Variants in CFAP299 observed in about 807,000 individuals in gnomAD.
CFAP299 encodes cilia and flagella associated protein 299, also known as cilia- and flagella-associated protein 299.
Under a neutral mutation model 27.0 loss-of-function variants are expected in CFAP299, and 21 were observed. The observed-to-expected ratio is 0.78, with a 90% confidence interval of 0.55 to 1.12. CFAP299 has a LOEUF of 1.12. Ranked by LOEUF, CFAP299 falls within the 50% of genes most tolerant of loss-of-function variation. The pLI, the probability that CFAP299 is intolerant of heterozygous loss-of-function variation, is 0.00. For synonymous variants in CFAP299, 104 were observed against 98.1 expected, an observed-to-expected ratio of 1.06 and a Z score of -0.36; for missense variants, 310 against 276.6, an observed-to-expected ratio of 1.12 and a Z score of -0.86.
chr4:80,618,032 G>T (rs973113995), intron 3 of CFAP299, among the ~76,000 whole-genome samples: 2 of 152,066 alleles, frequency 1.3e-5, no homozygotes, highest in African/African-American at 4.8e-5. Context: ...AGGAATAAAA[G>T]AAAAATTTGT....
chr4:80,339,124 A>G (rs1461824822), intron 1 of CFAP299, among the ~76,000 whole-genome samples: 2 of 152,168 alleles, frequency 1.3e-5, no homozygotes, highest in African/African-American at 2.4e-5. Context: ...AGGTTTGGCC[A>G]TCTTCTCATT....
chr4:80,534,584 G>A (rs1446583710), intron 2 of CFAP299, among the ~76,000 whole-genome samples: 1 of 151,958 alleles, frequency 6.6e-6, no homozygotes, highest in East Asian at 1.9e-4. Context: ...AAAACTTAGT[G>A]TAGCAGTCAA....
chr4:80,394,919 A>G (rs1485902344), intron 2 of CFAP299, among the ~76,000 whole-genome samples: 1 of 152,006 alleles, frequency 6.6e-6, no homozygotes, highest in African/African-American at 2.4e-5. Context: ...GTCTTTTGTG[A>G]TACCACAAAA....
At chr4:80,447,139 T>TG (rs1429809858) in intron 2 of CFAP299, among the ~76,000 whole-genome samples, 18 of 123,348 alleles carry the variant, frequency 1.5e-4, no homozygotes, top group African/African-American at 6.5e-4. Flanking sequence ...TGTTTTTTTT[T>TG]TTTTTTTTTT....
intron 2 of CFAP299, among the ~76,000 whole-genome samples, chr4:80,422,137 A>G (rs551828588): frequency 2.0e-5 from 3 of 152,242 alleles, no homozygotes; most frequent in African/African-American, 7.2e-5. Flanking sequence ...AAAAAATACT[A>G]TCTTGTTTAA....
At chr4:80,832,659 G>A (rs1400456095) in intron 3 of CFAP299, among the ~76,000 whole-genome samples, 2 of 152,110 alleles carry the variant, frequency 1.3e-5, no homozygotes, top group Admixed American at 6.5e-5. Context: ...TGGATGTTAA[G>A]TAGATGATTT....
rs564854464 is a variant in CFAP299 at position 80,868,471 on chromosome 4, G to T, written c.334-1522G>T. Among the ~76,000 whole-genome samples, 6 of 152,128 alleles carry T rather than the reference G, an allele frequency of 3.9e-5. 1 individual carries two copies. In the South Asian group the frequency reaches 8.3e-4, roughly 21 times the overall value. On this transcript the variant is annotated intron_variant, in intron 3 of 5. Transcript: ENST00000358105. ...TGAAGATAGTACTTCATGCATTTTTGATTTCTCAGCTTTCTGTTGAGGCAA... is the reference window on the plus strand; with the variant it reads ...TGAAGATAGTACTTCATGCATTTTTTATTTCTCAGCTTTCTGTTGAGGCAA...
intron 3 of CFAP299, among the ~76,000 whole-genome samples, chr4:80,738,397 A>G (rs941668103): frequency 1.3e-5 from 2 of 152,108 alleles, no homozygotes; most frequent in African/African-American, 4.8e-5. Context: ...TTTCCTTTAT[A>G]TATCGGCTTG....
chr4:80,374,132 G>A (rs192205749), intron 2 of CFAP299, among the ~76,000 whole-genome samples: 69 of 152,118 alleles, frequency 4.5e-4, no homozygotes, highest in Non-Finnish European at 6.9e-4. Flanking sequence ...TCTGGGGTCC[G>A]TACCAGAATG....
At chr4:80,799,524 TATA>T (rs1194682561) in intron 3 of CFAP299, among the ~76,000 whole-genome samples, 1 of 84,074 alleles carries the variant, frequency 1.2e-5, no homozygotes, top group Admixed American at 2.3e-4. Flanking sequence ...ATTTATATAA[TATA>T]TAATATATTT....
At chr4:80,347,384 C>G (rs1259533986) in intron 1 of CFAP299, among the ~76,000 whole-genome samples, 2 of 152,002 alleles carry the variant, frequency 1.3e-5, no homozygotes, top group African/African-American at 4.8e-5. Flanking sequence ...AGTATTTTCC[C>G]ATTCAGTACA....
chr4:80,788,160 A>G (rs1429238252), intron 3 of CFAP299, among the ~76,000 whole-genome samples: 1 of 152,066 alleles, frequency 6.6e-6, no homozygotes, highest in Non-Finnish European at 1.5e-5. Flanking sequence ...TTTTAATTAA[A>G]TGTAGAAAAT....
intron 3 of CFAP299, among the ~76,000 whole-genome samples, chr4:80,713,597 CT>C (rs1039033016): frequency 2.6e-5 from 4 of 152,332 alleles, no homozygotes; most frequent in African/African-American, 9.6e-5. Flanking sequence ...CTGCCAAGCA[CT>C]TTACATGCTC....
chr4:80,952,808 TA>T (rs1737853030), intron 5 of CFAP299, among the ~76,000 whole-genome samples: 1 of 152,116 alleles, frequency 6.6e-6, no homozygotes, highest in Admixed American at 6.6e-5. Context: ...CACTTGCTAC[TA>T]TTAGTAGGAA....
intron 2 of CFAP299, chr4:80,420,424 T>C: frequency 3.6e-6 from 1 of 275,214 alleles, no homozygotes; most frequent in Middle Eastern, 7.1e-4. Context: ...ATTTTTTTCA[T>C]CACCAACACT....
intron 3 of CFAP299, among the ~76,000 whole-genome samples, chr4:80,630,891 GT>G (rs1739172798): frequency 1.3e-5 from 2 of 152,012 alleles, no homozygotes; most frequent in South Asian, 4.1e-4. Context: ...AGGACAAGAT[GT>G]TTTAGAAATT....
intron 3 of CFAP299, among the ~76,000 whole-genome samples, chr4:80,868,911 G>C (rs1027296): frequency 0.047 from 5,583 of 119,556 alleles, 145 homozygotes; most frequent in Middle Eastern, 0.095. Flanking sequence ...CTCTCTGTGT[G>C]TGTGTGTGTG....
rs1190645100 is a variant in CFAP299, at chr4:80,422,189, T to TA, written c.242+59306dup. On this transcript the variant is annotated intron_variant, in intron 2 of 5. Coordinates refer to ENST00000358105, the MANE Select transcript of CFAP299 (RefSeq NM_152770.3). ...GCTCTCATTCCACTAAGTCTCTACT[T>TA]ACAACTATACACCATAGTTCAGCTA... 5.3e-5 allele frequency among the ~76,000 whole-genome samples: 8 copies of TA among 152,296 alleles called. No homozygotes were observed. The East Asian group carries it at 1.5e-3, about 29-fold the overall frequency.
At chr4:80,929,989 T>A (rs528322692) in intron 4 of CFAP299, among the ~76,000 whole-genome samples, 1 of 152,152 alleles carries the variant, frequency 6.6e-6, no homozygotes, top group Non-Finnish European at 1.5e-5. Flanking sequence ...GCTAATGAGA[T>A]GACTGGTGTT....
Sources: gnomAD v4.1 joint callset for allele counts (sites outside exome capture counted in the v4.1 genomes callset) on GRCh38, gnomAD v4.1.1 for gene constraint, MANE v1.5 for transcripts, NCBI Gene and HGNC (gene_info 2026-07-23, HGNC 2026-07-21) for gene names.